Variants in UBE2U observed in about 807,000 individuals in gnomAD.
UBE2U encodes ubiquitin-conjugating enzyme E2 U.
A neutral mutation model predicts 41.2 loss-of-function variants in UBE2U; 39 were observed. The ratio of observed to expected loss-of-function variants is 0.95; its 90% CI spans 0.73 to 1.24. The LOEUF (loss-of-function observed/expected upper bound fraction) is 1.24, where lower values mean the gene tolerates loss of function less well. Ranked by LOEUF, UBE2U falls within the 50% of genes most tolerant of loss-of-function variation. UBE2U has a pLI of 0.00. For missense variants in UBE2U, 336 were observed against 363.1 expected (o/e 0.93, Z 0.61); for synonymous variants, 107 against 117.8 (o/e 0.91, Z 0.60).
chr1:64,203,989 C>A lies in UBE2U; in HGVS notation c.-62C>A. ...TGGGAAAGTGACCCATAACTTCAAA[C>A]ATCTGCCTCAGAGTAAACCTGAGGC... On this transcript the variant is annotated 5_prime_UTR_variant, in exon 1 of 10. Transcript: ENST00000371077. The A allele has an allele frequency of 6.6e-7, 1 of 1,514,094 alleles. No individual in the cohort carries two copies. The highest frequency in any genetic ancestry group is 9.1e-7 in the Non-Finnish European group (1 of 1,099,790). The allele number at this position is 1,514,094 out of a possible 1,614,324, so 93.8% of individuals were successfully genotyped here.
chr1:64,224,965 ACAC>A (rs1557716170), intron 6 of UBE2U, among the ~76,000 whole-genome samples: 1 of 151,786 alleles, frequency 6.6e-6, no homozygotes, highest in South Asian at 2.1e-4. Context: ...ACACACACAC[ACAC>A]AACTGAAAGG....
intron 4 of UBE2U, among the ~76,000 whole-genome samples, chr1:64,213,966 A>C (rs1418656468): frequency 1.3e-5 from 2 of 152,234 alleles, no homozygotes; most frequent in Non-Finnish European, 2.9e-5. Flanking sequence ...GAAAAAGTAC[A>C]GTAAAAATTT....
intron 6 of UBE2U, among the ~76,000 whole-genome samples, chr1:64,229,732 C>T (rs1393437074): frequency 6.6e-6 from 1 of 152,186 alleles, no homozygotes; most frequent in African/African-American, 2.4e-5. Flanking sequence ...TGATTTTCTT[C>T]TTCCCCTAAT....
At chr1:64,210,662 T>A in intron 3 of UBE2U, 80 bp from the exon 4 acceptor site, 1 of 934,372 alleles carries the variant, frequency 1.1e-6, no homozygotes, top group Non-Finnish European at 1.5e-6. Context: ...ATAATTTTTC[T>A]GGCTTATCAT....
In UBE2U at chr1:64,210,975, A is replaced by G. The variant is rs1304095539; in HGVS notation, c.339+136A>G. 1.1e-5 allele frequency: 6 copies of G among 531,520 alleles called. No homozygotes were observed. In the African/African-American group the frequency reaches 1.2e-4, roughly 10 times the overall value. 32.9% of individuals were successfully genotyped at this position (531,520 alleles called of 1,614,324 possible). The stretch of plus-strand genomic sequence containing the variant: ...GAAGTTTATTTAAATCCATACTTCT[A>G]TATGAAGGCTACAAAGTGGAACTTA... On this transcript the variant is annotated intron_variant, in intron 4 of 9. Transcript: ENST00000371077.
rs1161319564 is a variant in UBE2U, at chr1:64,260,661, T to C, written c.736T>C (p.Ser246Pro). Residue 246 changes from serine (S) to proline (P), a missense_variant, in exon 9 of 10, where the codon TCA (serine) becomes CCA (proline). Transcript: ENST00000371077. Reference sequence around the variant, plus strand: ...AAGAATGCCTCATGAAGTCACTCACTCAATGGAAGAAATTAAGCTCTGCCC... The same window carrying C: ...AAGAATGCCTCATGAAGTCACTCACCCAATGGAAGAAATTAAGCTCTGCCC... ...RKRMPHEVTH[S>P]MEEIKLCPTL... is the part of the protein sequence containing the mutation. The C allele has an allele frequency of 2.6e-6, 4 of 1,549,634 alleles. No individual in the cohort carries two copies. The African/African-American group carries it at 5.5e-5, about 21-fold the overall frequency.
chr1:64,249,063 C>T (rs1644965120), intron 8 of UBE2U, among the ~76,000 whole-genome samples: 1 of 152,022 alleles, frequency 6.6e-6, no homozygotes, highest in South Asian at 2.1e-4. Context: ...TTTACAATGT[C>T]CAGCAACCCA....
intron 7 of UBE2U, among the ~76,000 whole-genome samples, chr1:64,239,171 A>AGAAGAAGAAGAAGAAGAG (rs1644779002): frequency 3.3e-5 from 3 of 90,906 alleles, no homozygotes; most frequent in Non-Finnish European, 6.4e-5. Flanking sequence ...AAGAAGAAGA[A>AGAAGAAGAAGAAGAAGAG]GAAGAAGAAG....
intron 6 of UBE2U, among the ~76,000 whole-genome samples, chr1:64,224,671 C>T (rs913434178): frequency 2.7e-5 from 4 of 150,416 alleles, no homozygotes; most frequent in Non-Finnish European, 4.4e-5. Context: ...TGCAGTGAGC[C>T]GAGATTGCGC....
chr1:64,265,450 AT>A (rs772672488), intron 9 of UBE2U, among the ~76,000 whole-genome samples: 1 of 152,242 alleles, frequency 6.6e-6, no homozygotes, highest in Non-Finnish European at 1.5e-5. Context: ...CACAGACAGA[AT>A]TTAGTTTTAA....
chr1:64,246,182 T>TA (rs1173156033), intron 8 of UBE2U, among the ~76,000 whole-genome samples: 5 of 152,236 alleles, frequency 3.3e-5, no homozygotes, highest in Non-Finnish European at 5.9e-5. Context: ...CAAATACCAA[T>TA]AAAAAAACTT....
intron 7 of UBE2U, among the ~76,000 whole-genome samples, chr1:64,240,499 G>C (rs1399215055): frequency 2.0e-5 from 3 of 152,098 alleles, no homozygotes; most frequent in African/African-American, 7.2e-5. Context: ...CCAATGGAAT[G>C]GGCAGTCTCC....
intron 8 of UBE2U, among the ~76,000 whole-genome samples, chr1:64,250,398 A>G (rs952146599): frequency 6.6e-6 from 1 of 152,194 alleles, no homozygotes; most frequent in Admixed American, 6.5e-5. Flanking sequence ...ATTTTCCCAC[A>G]CATTTAAGGA....
At chr1:64,221,050 G>A (rs1652421282) in intron 6 of UBE2U, 143 bp downstream of exon 6, 2 of 591,632 alleles carry the variant, frequency 3.4e-6, no homozygotes, top group African/African-American at 2.0e-5. Flanking sequence ...ATTGTTTTCA[G>A]AAAGAACATG....
At position 64,267,169 on chromosome 1, in the gene UBE2U, C is replaced by T. The variant is rs954117744; in HGVS notation, c.915C>T (p.Ser305=). The T allele has an allele frequency of 9.1e-6, 14 of 1,544,350 alleles. No homozygotes were observed. The African/African-American group carries it at 1.8e-4, about 20-fold the overall frequency. The change falls in exon 10 of 10, where the codon TCC becomes TCT. Residue 305 remains serine (S), a synonymous_variant. Transcript: ENST00000371077. ...PREEEVEDLI[S]WTNTLNTNTS... Reference sequence around the variant, plus strand: ...AAGAGGAAGTGGAAGATCTGATCTCCTGGACCAATACTCTCAATACAAATA... The same window carrying T: ...AAGAGGAAGTGGAAGATCTGATCTCTTGGACCAATACTCTCAATACAAATA...
intron 7 of UBE2U, 62 bp downstream of exon 7, chr1:64,232,711 T>G (rs1644593239): frequency 4.2e-6 from 6 of 1,412,906 alleles, no homozygotes; most frequent in Admixed American, 3.7e-5. Context: ...AACATTTATC[T>G]TGGTTTCAAA....
intron 4 of UBE2U, 110 bp downstream of exon 4, chr1:64,210,949 A>T: frequency 1.4e-6 from 1 of 694,520 alleles, no homozygotes; most frequent in Non-Finnish European, 2.1e-6. Flanking sequence ...AAAGAATTTG[A>T]GAAGTTTATT....
chr1:64,259,848 C>A (rs761643562), intron 8 of UBE2U, among the ~76,000 whole-genome samples: 1 of 151,836 alleles, frequency 6.6e-6, no homozygotes, highest in Non-Finnish European at 1.5e-5. Context: ...AGAATTTCTC[C>A]CCTGTGTAGT....
At chr1:64,220,655 T>C (rs958109371) in intron 5 of UBE2U, among the ~76,000 whole-genome samples, 1 of 152,166 alleles carries the variant, frequency 6.6e-6, no homozygotes, top group African/African-American at 2.4e-5. Flanking sequence ...CAAATTTCTA[T>C]GGCCTGCTAA....
Sources: gnomAD v4.1 joint callset for allele counts (sites outside exome capture counted in the v4.1 genomes callset) on GRCh38, gnomAD v4.1.1 for gene constraint, MANE v1.5 for transcripts, NCBI Gene and HGNC (gene_info 2026-07-23, HGNC 2026-07-21) for gene names.